Variants in MYO3B observed in about 807,000 individuals in gnomAD.
MYO3B encodes myosin-IIIb.
A neutral mutation model predicts 174.6 loss-of-function variants in MYO3B; 156 were observed. The observed-to-expected ratio is 0.89, with a 90% CI of 0.78 to 1.02. MYO3B has a LOEUF of 1.02. MYO3B is among the 50% of genes least tolerant of loss of function. MYO3B has a pLI of 0.00. For synonymous variants in MYO3B, 563 were observed against 569.1 expected, an observed-to-expected ratio of 0.99 and a Z score of 0.15; for missense variants, 1,632 against 1,639.4, an observed-to-expected ratio of 1.00 and a Z score of 0.08.
At chr2:170,575,286 A>C (rs961483922) in intron 32 of MYO3B, among the ~76,000 whole-genome samples, 3 of 152,102 alleles carry the variant, frequency 2.0e-5, no homozygotes, top group Admixed American at 1.3e-4. Context: ...TAAATTTCAT[A>C]TATGTATTTA....
rs766370632 is a variant in MYO3B at position 170,199,350 on chromosome 2, G to C, written c.145G>C (p.Asp49His). The C allele has an allele frequency of 6.2e-7, 1 of 1,612,906 alleles. No homozygotes were observed. Among genetic ancestry groups the C allele is most frequent in the Non-Finnish European group, 8.5e-7 (1 of 1,179,484 alleles). ...AGTCTACAAGGTAACTAACAAGAGA[G>C]ATGGGAGCCTGGCTGCAGTGAAAAT... The part of the protein sequence containing the change: ...GKVYKVTNKR[D>H]GSLAAVKILD... The change falls in exon 2 of 35, where the codon GAT becomes CAT. Residue 49 changes from aspartate to histidine, a missense_variant. Transcript: ENST00000408978.
At chr2:170,530,745 A>T (rs1689304561) in intron 30 of MYO3B, among the ~76,000 whole-genome samples, 1 of 152,116 alleles carries the variant, frequency 6.6e-6, no homozygotes, top group African/African-American at 2.4e-5. Flanking sequence ...CAGTTGTTTA[A>T]ATTATTTTTA....
intron 28 of MYO3B, among the ~76,000 whole-genome samples, chr2:170,512,965 A>G (rs143543535): frequency 6.6e-6 from 1 of 152,330 alleles, no homozygotes; most frequent in East Asian, 1.9e-4. Context: ...GGTTACTATG[A>G]GCATTAAATG....
At chr2:170,507,955 A>G (rs773879256) in intron 28 of MYO3B, among the ~76,000 whole-genome samples, 2 of 152,194 alleles carry the variant, frequency 1.3e-5, no homozygotes, top group Non-Finnish European at 2.9e-5. Flanking sequence ...TTGCTATGGA[A>G]TAAAATTATT....
intron 23 of MYO3B, among the ~76,000 whole-genome samples, chr2:170,447,958 C>T (rs2105921530): frequency 6.6e-6 from 1 of 152,192 alleles, no homozygotes; most frequent in East Asian, 1.9e-4. Context: ...CTGAGTGGTG[C>T]CAGCTGATCC....
chr2:170,499,893 A>G, intron 27 of MYO3B, 85 bp downstream of exon 27: 1 of 1,345,052 alleles, frequency 7.4e-7, no homozygotes, highest in South Asian at 1.5e-5. Context: ...TTCTCTTCTA[A>G]GTGGTTTCCC....
At position 170,200,246 on chromosome 2, in the gene MYO3B, G is replaced by C. The variant is rs1374749310; in HGVS notation, c.283G>C (p.Asp95His). The C allele has an allele frequency of 3.1e-6, 5 of 1,613,262 alleles. No homozygotes were observed. The highest frequency in any genetic ancestry group is 4.2e-6 in the Non-Finnish European group (5 of 1,179,606). Residue 95 changes from aspartate (D) to histidine (H), a missense_variant, in exon 3 of 35, where the codon GAT becomes CAT. Physicochemically the swap from Asp to His is moderately conservative, Grantham distance 81. Transcript: ENST00000408978. ...VKFYGMFYKADHCVGGQLWLV... is the reference protein window; with the variant it reads ...VKFYGMFYKAHHCVGGQLWLV... ...GTTTTATGGGATGTTTTACAAAGCGGATCACTGTGTAGGGGGACAGCTGTG... is the reference window on the plus strand; with the variant it reads ...GTTTTATGGGATGTTTTACAAAGCGCATCACTGTGTAGGGGGACAGCTGTG...
At chr2:170,453,273 C>T (rs559829254) in intron 23 of MYO3B, among the ~76,000 whole-genome samples, 3 of 152,230 alleles carry the variant, frequency 2.0e-5, no homozygotes, top group South Asian at 2.1e-4. Context: ...GTGGCACTGC[C>T]GCTCCATTAC....
At chr2:170,314,893 T>C (rs887047905) in intron 7 of MYO3B, among the ~76,000 whole-genome samples, 13 of 152,238 alleles carry the variant, frequency 8.5e-5, no homozygotes, top group African/African-American at 3.1e-4. Context: ...TTACTCAGCA[T>C]TACTCAGTTT....
chr2:170,542,801 T>C, intron 30 of MYO3B, 105 bp from the exon 31 acceptor site: 1 of 882,936 alleles, frequency 1.1e-6, no homozygotes, highest in Non-Finnish European at 1.7e-6. Context: ...CATGGAAGCA[T>C]AAAAAGTATG....
intron 32 of MYO3B, among the ~76,000 whole-genome samples, chr2:170,590,041 A>G (rs1334932523): frequency 6.6e-6 from 1 of 152,228 alleles, no homozygotes; most frequent in Non-Finnish European, 1.5e-5. Context: ...GTATTAACCT[A>G]GGTATGTAGT....
At position 170,370,165 on chromosome 2, in the gene MYO3B, T is replaced by C. The variant is rs147606027; in HGVS notation, c.971+788T>C. On this transcript the variant is annotated intron_variant, in intron 9 of 34. Transcript: ENST00000408978. Reference sequence around the variant, plus strand: ...TCCTATGCTCAGCAATTATTTGGTTTTATGAAACCATCCAGGATGTAGATA... The same window carrying C: ...TCCTATGCTCAGCAATTATTTGGTTCTATGAAACCATCCAGGATGTAGATA... 7.2e-4 allele frequency among the ~76,000 whole-genome samples: 110 copies of C among 152,322 alleles called. 1 individual carries two copies. Among genetic ancestry groups the C allele is most frequent in the African/African-American group, 2.5e-3 (102 of 41,576 alleles).
chr2:170,453,409 TACACACACACACACACACACACACACAC>T (rs35558091), intron 23 of MYO3B, among the ~76,000 whole-genome samples: 1 of 131,200 alleles, frequency 7.6e-6, no homozygotes, highest in East Asian at 2.2e-4. Flanking sequence ...GTTTACCATT[TACACACACACACACACACACACACACAC>T]ACACACACAC....
At chr2:170,326,938 C>CTT (rs1250973912) in intron 7 of MYO3B, among the ~76,000 whole-genome samples, 1 of 152,218 alleles carries the variant, frequency 6.6e-6, no homozygotes, top group Non-Finnish European at 1.5e-5. Context: ...AGGACGTGAA[C>CTT]ACCTGTCACT....
At chr2:170,297,333 GACA>G (rs1194314865) in intron 7 of MYO3B, among the ~76,000 whole-genome samples, 27 of 74,768 alleles carry the variant, frequency 3.6e-4, no homozygotes, top group Non-Finnish European at 7.2e-4. Flanking sequence ...TGCACCCACA[GACA>G]GTTAAGGATG....
intron 7 of MYO3B, among the ~76,000 whole-genome samples, chr2:170,310,213 A>C (rs2093728623): frequency 6.6e-6 from 1 of 152,192 alleles, no homozygotes. Flanking sequence ...AAACTCTGTA[A>C]AATATTTGAA....
chr2:170,542,990 A>T (rs895488590), intron 31 of MYO3B, 24 bp downstream of exon 31: 1 of 1,594,482 alleles, frequency 6.3e-7, no homozygotes, highest in African/African-American at 1.3e-5. Flanking sequence ...TTGATTCCAA[A>T]GTAAATGTGT....
chr2:170,633,378 T>A (rs563800658), intron 32 of MYO3B, among the ~76,000 whole-genome samples: 2 of 152,330 alleles, frequency 1.3e-5, no homozygotes, highest in East Asian at 3.9e-4. Flanking sequence ...ACCACATGAT[T>A]ATCTCAACAG....
chr2:170,638,091 CCTCTCTCT>C lies in MYO3B; in HGVS notation c.3734-13525_3734-13518del, dbSNP rs574364783. On this transcript the variant is annotated intron_variant, in intron 32 of 34. Transcript: ENST00000408978. ...TCTATTTCCACTCAATCTCTCTCTC[CCTCTCTCT>C]CTCTCTCTCTCACACACACACACAC... 3.4e-5 allele frequency among the ~76,000 whole-genome samples: 5 copies of C among 149,106 alleles called. No individual in the cohort carries two copies. The East Asian group carries it at 7.8e-4, about 23-fold the overall frequency.
Sources: allele counts gnomAD v4.1 joint callset (sites outside exome capture counted in the v4.1 genomes callset), GRCh38; gene constraint gnomAD v4.1.1; transcripts MANE v1.5; gene names NCBI Gene and HGNC (gene_info 2026-07-23, HGNC 2026-07-21).